Variants in PRUNE2 observed in about 807,000 individuals in gnomAD.
PRUNE2 encodes the protein protein prune homolog 2.
A neutral mutation model predicts 252.0 loss-of-function variants in PRUNE2; 164 were observed. The ratio of observed to expected loss-of-function variants is 0.65; its 90% CI spans 0.57 to 0.74. The LOEUF (loss-of-function observed/expected upper bound fraction) is 0.74. Among genes scored for constraint, PRUNE2 ranks in the 30% least tolerant of loss-of-function variants. The pLI, the probability that PRUNE2 is intolerant of heterozygous loss-of-function variation, is 0.00. For missense variants in PRUNE2, 3,495 were observed against 3,711.0 expected (o/e 0.94, Z 1.51); for synonymous variants, 1,292 against 1,350.2 (o/e 0.96, Z 0.94).
At chr9:76,624,996 C>T in intron 16 of PRUNE2, 1 of 1,291,976 alleles carries the variant, frequency 7.7e-7, no homozygotes, top group Non-Finnish European at 1.0e-6. Flanking sequence ...CAGGGTCCAG[C>T]ATGAATAGGA....
intron 1 of PRUNE2, among the ~76,000 whole-genome samples, chr9:76,873,059 A>AG (rs2061306574): frequency 6.6e-6 from 1 of 152,064 alleles, no homozygotes; most frequent in Non-Finnish European, 1.5e-5. Context: ...CCACAAACCA[A>AG]GGATCATCTG....
intron 1 of PRUNE2, among the ~76,000 whole-genome samples, chr9:76,904,907 G>A (rs2063391561): frequency 6.6e-6 from 1 of 152,186 alleles, no homozygotes. Flanking sequence ...ATGAGTTACA[G>A]TAATAACCCT....
chr9:76,741,780 G>A (rs150930981), intron 6 of PRUNE2, among the ~76,000 whole-genome samples: 43 of 152,228 alleles, frequency 2.8e-4, no homozygotes, highest in African/African-American at 8.2e-4. Context: ...TCAGCTTCCC[G>A]CAAGCTTATT....
chr9:76,796,863 A>C (rs566995924), intron 6 of PRUNE2, among the ~76,000 whole-genome samples: 1 of 152,228 alleles, frequency 6.6e-6, no homozygotes, highest in Non-Finnish European at 1.5e-5. Context: ...GCAGAACTTC[A>C]GTCTTTTCTG....
chr9:76,759,494 C>T (rs149777630), intron 6 of PRUNE2: 44 of 152,758 alleles, frequency 2.9e-4, no homozygotes, highest in Non-Finnish European at 4.8e-4. Flanking sequence ...AGAAGAGCAG[C>T]GTGGCAGAGA....
At position 76,655,513 on chromosome 9, in the gene PRUNE2, A is replaced by T; in HGVS notation, c.8277-11T>A. ...TCCTCTGACAGTAGTCTGCAAAAAA[A>T]GCAAAGCAAAGCGCGTCAACAACAA... On this transcript the variant is annotated splice_polypyrimidine_tract_variant and intron_variant, in intron 9 of 18. Coordinates refer to ENST00000376718, the MANE Select transcript of PRUNE2 (RefSeq NM_015225.3). The T allele has an allele frequency of 6.2e-7, 1 of 1,601,996 alleles. No individual in the cohort carries two copies. The highest frequency in any genetic ancestry group is 8.5e-7 in the Non-Finnish European group (1 of 1,170,318).
intron 1 of PRUNE2, among the ~76,000 whole-genome samples, chr9:76,887,900 C>T (rs1431991657): frequency 6.6e-6 from 1 of 152,162 alleles, no homozygotes; most frequent in South Asian, 2.1e-4. Context: ...AAGAACCGCA[C>T]CTAAAATGAT....
rs11145018 is a variant in PRUNE2, at chr9:76,710,381, T to G, written c.1893A>C (p.Thr631=). Residue 631 remains threonine (T), a synonymous_variant, in exon 8 of 19, where the codon ACA becomes ACC. Coordinates refer to ENST00000376718, the MANE Select transcript of PRUNE2 (RefSeq NM_015225.3). ...PSTEEPASLY[T]EDMTQKATDT... The stretch of plus-strand genomic sequence containing the variant: ...CAGTTGCTTTTTGGGTCATATCTTC[T>G]GTATAGAGTGAGGCTGGTTCTTCAG... 254,544 of 1,613,728 alleles carry G rather than the reference T, an allele frequency of 0.16. 23,945 individuals are homozygous for G. The highest frequency in any genetic ancestry group is 0.49 in the East Asian group (22,063 of 44,854).
intron 6 of PRUNE2, among the ~76,000 whole-genome samples, chr9:76,820,803 G>A (rs1426604285): frequency 1.3e-5 from 2 of 152,140 alleles, no homozygotes; most frequent in African/African-American, 4.8e-5. Context: ...GTTGGGAGAG[G>A]AAAAAGTAGG....
intron 6 of PRUNE2, among the ~76,000 whole-genome samples, chr9:76,807,943 T>G (rs1304667861): frequency 6.6e-6 from 1 of 152,202 alleles, no homozygotes; most frequent in African/African-American, 2.4e-5. Context: ...TTTGGGAGGC[T>G]GAGGCGGGTG....
At chr9:76,872,638 CA>C (rs1564479929) in intron 1 of PRUNE2, among the ~76,000 whole-genome samples, 36 of 151,644 alleles carry the variant, frequency 2.4e-4, no homozygotes, top group African/African-American at 6.5e-4. Context: ...CACACACACA[CA>C]CACACCCTCA....
At chr9:76,752,333 G>A (rs1018311621) in intron 6 of PRUNE2, among the ~76,000 whole-genome samples, 11 of 152,084 alleles carry the variant, frequency 7.2e-5, no homozygotes, top group African/African-American at 1.2e-4. Context: ...TCCTGACCTC[G>A]TGATCCACCT....
intron 9 of PRUNE2, among the ~76,000 whole-genome samples, chr9:76,701,204 T>C (rs555730340): frequency 6.6e-4 from 100 of 152,338 alleles, no homozygotes; most frequent in African/African-American, 2.4e-3. Context: ...CTGATGCTGC[T>C]GTTCTTAGGA....
chr9:76,887,219 T>A (rs1265013608), intron 1 of PRUNE2, among the ~76,000 whole-genome samples: 1 of 152,034 alleles, frequency 6.6e-6, no homozygotes, highest in African/African-American at 2.4e-5. Context: ...CAGCCTGAAG[T>A]CATCCCAAAT....
rs541977167 is a variant in PRUNE2, at chr9:76,851,318, C to T, written c.142-653G>A. Among the ~76,000 whole-genome samples, 175 of 152,154 alleles carry T rather than the reference C, an allele frequency of 1.2e-3. 1 individual carries two copies. Among genetic ancestry groups the T allele is most frequent in the African/African-American group, 4.1e-3 (171 of 41,510 alleles). On this transcript the variant is annotated intron_variant, in intron 2 of 18. Transcript: ENST00000376718. ...ATCCCAGCACTTTGGGAGGCCAAGGCGGGCAGATCACGAGGTCAGGAGATC... is the reference window on the plus strand; with the variant it reads ...ATCCCAGCACTTTGGGAGGCCAAGGTGGGCAGATCACGAGGTCAGGAGATC...
At chr9:76,620,691 G>C (rs1440478127) in intron 17 of PRUNE2, among the ~76,000 whole-genome samples, 1 of 151,996 alleles carries the variant, frequency 6.6e-6, no homozygotes, top group Admixed American at 6.6e-5. Flanking sequence ...ATTTTTATAG[G>C]GAATATTTGG....
intron 6 of PRUNE2, among the ~76,000 whole-genome samples, chr9:76,747,162 T>G (rs928097754): frequency 6.6e-6 from 1 of 151,998 alleles, no homozygotes; most frequent in Admixed American, 6.6e-5. Flanking sequence ...TGGAGAAGGG[T>G]TTGATTGGTG....
At chr9:76,883,601 T>C (rs569232562) in intron 1 of PRUNE2, among the ~76,000 whole-genome samples, 7 of 152,312 alleles carry the variant, frequency 4.6e-5, no homozygotes, top group African/African-American at 1.7e-4. Context: ...GGTACCACAT[T>C]TCCATTATAC....
At chr9:76,689,486 GCTGGAA>G (rs1287235780) in intron 9 of PRUNE2, among the ~76,000 whole-genome samples, 3 of 152,076 alleles carry the variant, frequency 2.0e-5, no homozygotes, top group African/African-American at 4.8e-5. Context: ...CTCCCAAGCA[GCTGGAA>G]CTACAGGTGC....
Sources: allele counts gnomAD v4.1 joint callset (sites outside exome capture counted in the v4.1 genomes callset), GRCh38; gene constraint gnomAD v4.1.1; transcripts MANE v1.5; gene names NCBI Gene and HGNC (gene_info 2026-07-23, HGNC 2026-07-21).